Variants in ZNF385B observed in about 807,000 individuals in gnomAD.
ZNF385B encodes zinc finger protein 385B, also known as zinc finger protein 533.
In ZNF385B, 23 loss-of-function variants were observed where a neutral mutation model predicts 39.2. That is an observed-to-expected ratio of 0.59 (90% CI 0.42 to 0.83). The LOEUF (loss-of-function observed/expected upper bound fraction) is 0.83, where lower values mean the gene tolerates loss of function less well. ZNF385B is among the 40% of genes least tolerant of loss of function. ZNF385B has a pLI of 0.00. For synonymous variants in ZNF385B, 205 were observed against 222.6 expected, an observed-to-expected ratio of 0.92 and a Z score of 0.70; for missense variants, 552 against 598.9, an observed-to-expected ratio of 0.92 and a Z score of 0.82.
At chr2:179,835,950 T>A (rs1195367566) in intron 1 of ZNF385B, among the ~76,000 whole-genome samples, 3 of 152,190 alleles carry the variant, frequency 2.0e-5, no homozygotes, top group Non-Finnish European at 2.9e-5. Context: ...GTATAATACA[T>A]ACTATTGCCT....
At chr2:179,488,000 T>C (rs1488523155) in intron 5 of ZNF385B, among the ~76,000 whole-genome samples, 1 of 152,206 alleles carries the variant, frequency 6.6e-6, no homozygotes, top group African/African-American at 2.4e-5. Context: ...CTTTCTCAAA[T>C]CCTCTGAATT....
intron 3 of ZNF385B, among the ~76,000 whole-genome samples, chr2:179,618,180 AC>A (rs1483477414): frequency 1.3e-5 from 2 of 152,214 alleles, no homozygotes; most frequent in East Asian, 1.9e-4. Context: ...GAATAAAAAA[AC>A]ATTTTATCTG....
chr2:179,712,963 T>C (rs1411303009), intron 3 of ZNF385B, among the ~76,000 whole-genome samples: 1 of 152,204 alleles, frequency 6.6e-6, no homozygotes, highest in Non-Finnish European at 1.5e-5. Flanking sequence ...CACTATACCC[T>C]TTCGTGAGGC....
In ZNF385B at chr2:179,725,033, TA is replaced by T. The variant is rs901455429; in HGVS notation, c.298+44469del. 5.8e-3 allele frequency among the ~76,000 whole-genome samples: 890 copies of T among 152,202 alleles called. 12 individuals are homozygous for T. The highest frequency in any genetic ancestry group is 0.02 in the African/African-American group (836 of 41,556). On this transcript the variant is annotated intron_variant, in intron 3 of 9. Transcript: ENST00000410066. The stretch of plus-strand genomic sequence containing the variant: ...CTTGAGAAAAATTACATAATTCACA[TA>T]AAAAATAAGCATTGTAATAAATACT...
intron 3 of ZNF385B, among the ~76,000 whole-genome samples, chr2:179,626,257 G>A (rs1690656679): frequency 1.3e-5 from 2 of 152,026 alleles, no homozygotes; most frequent in South Asian, 4.1e-4. Context: ...ATGATAAATA[G>A]TACTGTTTTA....
chr2:179,508,798 T>C (rs1395155945), intron 5 of ZNF385B, among the ~76,000 whole-genome samples: 3 of 152,172 alleles, frequency 2.0e-5, no homozygotes, highest in African/African-American at 7.2e-5. Context: ...TTGAATATCA[T>C]TGAACACATA....
At chr2:179,449,947 G>A (rs200068031) in intron 6 of ZNF385B, among the ~76,000 whole-genome samples, 88 of 147,402 alleles carry the variant, frequency 6.0e-4, no homozygotes, top group African/African-American at 2.0e-3. Flanking sequence ...AAATAATGCC[G>A]CATATCTACA....
At chr2:179,658,610 G>A (rs1694075552) in intron 3 of ZNF385B, among the ~76,000 whole-genome samples, 1 of 152,026 alleles carries the variant, frequency 6.6e-6, no homozygotes, top group African/African-American at 2.4e-5. Flanking sequence ...TGAAATTAAG[G>A]CAAAACTTGA....
At chr2:179,569,597 G>C (rs1684983593) in intron 3 of ZNF385B, among the ~76,000 whole-genome samples, 1 of 152,174 alleles carries the variant, frequency 6.6e-6, no homozygotes, top group African/African-American at 2.4e-5. Flanking sequence ...AAATGTATTT[G>C]TGAGCATATT....
intron 1 of ZNF385B, among the ~76,000 whole-genome samples, chr2:179,821,442 A>G (rs1442130432): frequency 2.0e-5 from 3 of 152,164 alleles, no homozygotes; most frequent in Admixed American, 6.5e-5. Flanking sequence ...AAATAAATAA[A>G]GCCTCCAAAT....
chr2:179,799,429 T>G (rs1705889875), intron 1 of ZNF385B, among the ~76,000 whole-genome samples: 1 of 152,050 alleles, frequency 6.6e-6, no homozygotes, highest in African/African-American at 2.4e-5. Context: ...CATCTCCTCT[T>G]TAGGCATCTG....
chr2:179,534,952 T>C (rs1031803537), intron 4 of ZNF385B, among the ~76,000 whole-genome samples: 1 of 152,198 alleles, frequency 6.6e-6, no homozygotes, highest in East Asian at 1.9e-4. Context: ...TGCCATGTGA[T>C]AGCAGTCATT....
chr2:179,708,212 G>T (rs960464448), intron 3 of ZNF385B, among the ~76,000 whole-genome samples: 1 of 152,192 alleles, frequency 6.6e-6, no homozygotes, highest in African/African-American at 2.4e-5. Flanking sequence ...GGAGGTGATT[G>T]GATCACAGGG....
intron 3 of ZNF385B, among the ~76,000 whole-genome samples, chr2:179,572,190 T>G (rs1172648932): frequency 2.6e-5 from 4 of 152,094 alleles, no homozygotes; most frequent in African/African-American, 9.7e-5. Flanking sequence ...TCTAAAATAA[T>G]ACCTGGCCTT....
intron 1 of ZNF385B, among the ~76,000 whole-genome samples, chr2:179,789,420 C>A (rs1047532612): frequency 1.4e-4 from 21 of 152,158 alleles, no homozygotes; most frequent in African/African-American, 4.3e-4. Flanking sequence ...AGACCAATTT[C>A]ATGATTTTCA....
intron 3 of ZNF385B, among the ~76,000 whole-genome samples, chr2:179,665,299 A>T (rs959713185): frequency 6.6e-6 from 1 of 152,258 alleles, no homozygotes; most frequent in Non-Finnish European, 1.5e-5. Flanking sequence ...TCAGTGACTT[A>T]ATCTTTTCAC....
intron 3 of ZNF385B, among the ~76,000 whole-genome samples, chr2:179,551,237 T>C (rs960580157): frequency 1.3e-5 from 2 of 152,058 alleles, no homozygotes; most frequent in Non-Finnish European, 2.9e-5. Flanking sequence ...CTTCCTGTAC[T>C]AAAATGAAAT....
intron 3 of ZNF385B, among the ~76,000 whole-genome samples, chr2:179,708,745 C>T (rs1699794393): frequency 6.6e-6 from 1 of 152,126 alleles, no homozygotes; most frequent in South Asian, 2.1e-4. Flanking sequence ...AGCTGCCAGT[C>T]CCATGGTGAA....
intron 3 of ZNF385B, among the ~76,000 whole-genome samples, chr2:179,550,173 T>C (rs1411527098): frequency 6.7e-6 from 1 of 149,560 alleles, no homozygotes; most frequent in Non-Finnish European, 1.5e-5. Context: ...TAAAGTAAGG[T>C]ATAGACTAAT....
Sources: allele counts gnomAD v4.1 joint callset (sites outside exome capture counted in the v4.1 genomes callset), GRCh38; gene constraint gnomAD v4.1.1; transcripts MANE v1.5; gene names NCBI Gene and HGNC (gene_info 2026-07-23, HGNC 2026-07-21).